Variants in JAZF1 observed in about 807,000 individuals in gnomAD.
JAZF1 encodes JAZF zinc finger 1.
In JAZF1, 8 loss-of-function variants were observed where a neutral mutation model predicts 26.4. The ratio of observed to expected loss-of-function variants is 0.30; its 90% CI spans 0.18 to 0.55. JAZF1 has a LOEUF of 0.55. JAZF1 is among the 20% of genes least tolerant of loss of function. The pLI, the probability that JAZF1 is intolerant of heterozygous loss-of-function variation, is 0.94. For synonymous variants in JAZF1, 126 were observed against 122.3 expected, an observed-to-expected ratio of 1.03 and a Z score of -0.20; for missense variants, 199 against 322.0, an observed-to-expected ratio of 0.62 and a Z score of 2.92.
At chr7:27,953,208 A>G (rs752160987) in intron 2 of JAZF1, among the ~76,000 whole-genome samples, 21 of 152,354 alleles carry the variant, frequency 1.4e-4, no homozygotes, top group Non-Finnish European at 2.1e-4. Context: ...TTCCCAGCCA[A>G]TGGGTAATTT....
At chr7:27,935,275 GAAAATAGTTGGCGGATCCTC>G (rs1030023062) in intron 2 of JAZF1, among the ~76,000 whole-genome samples, 4 of 152,198 alleles carry the variant, frequency 2.6e-5, no homozygotes, top group African/African-American at 9.6e-5. Context: ...AGCTGCTTTG[GAAAATAGTTGGCGGATCCTC>G]AAAATGCAAC....
chr7:27,874,603 C>T (rs1562514810), intron 3 of JAZF1, among the ~76,000 whole-genome samples: 1 of 152,216 alleles, frequency 6.6e-6, no homozygotes, highest in East Asian at 1.9e-4. Flanking sequence ...ACATTCCTGT[C>T]ACTTAGGAAA....
At chr7:28,138,517 G>A (rs998339732) in intron 1 of JAZF1, among the ~76,000 whole-genome samples, 13 of 152,214 alleles carry the variant, frequency 8.5e-5, no homozygotes, top group African/African-American at 1.4e-4. Context: ...AGAATGCTTC[G>A]CTGTTCACCT....
chr7:28,097,827 T>C (rs1028039130), intron 1 of JAZF1, among the ~76,000 whole-genome samples: 1 of 152,148 alleles, frequency 6.6e-6, no homozygotes, highest in Non-Finnish European at 1.5e-5. Flanking sequence ...AGGTAAATCT[T>C]GGAAATGCCA....
At position 28,158,919 on chromosome 7, in the gene JAZF1, C is replaced by G. The variant is rs1314830556; in HGVS notation, c.115+21544G>C. Among the ~76,000 whole-genome samples, 5 of 152,140 alleles carry G rather than the reference C, an allele frequency of 3.3e-5. No individual in the cohort carries two copies. In the East Asian group the frequency reaches 9.7e-4, roughly 29 times the overall value. ...CTCATGGCTTTAGGCCTTGGACCAGCCTTCCCTGACTGAAAGCCAGTCAGT... is the reference window on the plus strand; with the variant it reads ...CTCATGGCTTTAGGCCTTGGACCAGGCTTCCCTGACTGAAAGCCAGTCAGT... On this transcript the variant is annotated intron_variant, in intron 1 of 4. Transcript: ENST00000283928.
intron 2 of JAZF1, among the ~76,000 whole-genome samples, chr7:27,943,284 G>A (rs1784876415): frequency 6.6e-6 from 1 of 152,124 alleles, no homozygotes; most frequent in African/African-American, 2.4e-5. Context: ...TGTTCTGTAA[G>A]GAGCCAAATA....
intron 2 of JAZF1, among the ~76,000 whole-genome samples, chr7:27,932,859 A>C (rs1784705972): frequency 1.3e-5 from 2 of 152,196 alleles, no homozygotes; most frequent in Admixed American, 1.3e-4. Flanking sequence ...TAAGGCTTAC[A>C]TACTTTTTCA....
chr7:27,943,052 G>A (rs1414637589), intron 2 of JAZF1, among the ~76,000 whole-genome samples: 1 of 152,158 alleles, frequency 6.6e-6, no homozygotes, highest in East Asian at 1.9e-4. Flanking sequence ...TCACATCGAT[G>A]CGTTCCTGCC....
intron 1 of JAZF1, among the ~76,000 whole-genome samples, chr7:28,038,548 C>T (rs1051991727): frequency 6.6e-6 from 1 of 152,192 alleles, no homozygotes; most frequent in Non-Finnish European, 1.5e-5. Flanking sequence ...TGTTTAACAT[C>T]TGCTTTTTAT....
intron 2 of JAZF1, among the ~76,000 whole-genome samples, chr7:27,942,460 T>C (rs1008458018): frequency 6.6e-6 from 1 of 152,254 alleles, no homozygotes; most frequent in African/African-American, 2.4e-5. Context: ...GTAGCATTTA[T>C]TTAACTGAGC....
At chr7:27,855,990 C>G (rs1459870698) in intron 3 of JAZF1, among the ~76,000 whole-genome samples, 1 of 152,244 alleles carries the variant, frequency 6.6e-6, no homozygotes, top group Non-Finnish European at 1.5e-5. Flanking sequence ...CCGAATCCAG[C>G]AGCACATCAA....
intron 1 of JAZF1, among the ~76,000 whole-genome samples, chr7:28,041,034 GAC>G (rs1783381293): frequency 6.6e-6 from 1 of 152,102 alleles, no homozygotes; most frequent in South Asian, 2.1e-4. Context: ...TGCTCTCAAA[GAC>G]ACAAATTCTT....
intron 1 of JAZF1, among the ~76,000 whole-genome samples, chr7:28,072,441 T>G (rs1029498011): frequency 6.6e-6 from 1 of 152,252 alleles, no homozygotes; most frequent in East Asian, 1.9e-4. Flanking sequence ...TATTTACTTA[T>G]GGATATGGCT....
chr7:28,166,649 C>T (rs574243396), intron 1 of JAZF1, among the ~76,000 whole-genome samples: 7 of 152,178 alleles, frequency 4.6e-5, no homozygotes, highest in African/African-American at 1.7e-4. Context: ...GCCTTCTTTC[C>T]GAAAGAGAAA....
intron 1 of JAZF1, among the ~76,000 whole-genome samples, chr7:28,104,602 C>G (rs1784522780): frequency 6.6e-6 from 1 of 152,220 alleles, no homozygotes; most frequent in Non-Finnish European, 1.5e-5. Context: ...TGTCCCAGTT[C>G]TGCCAGATGT....
In JAZF1 at chr7:28,089,399, A is replaced by G. The variant is rs558861372; in HGVS notation, c.115+91064T>C. On this transcript the variant is annotated intron_variant, in intron 1 of 4. Coordinates refer to ENST00000283928, the MANE Select transcript of JAZF1 (RefSeq NM_175061.4). ...GATCTTGGACTTCCCAGCGTTTAGA[A>G]CCATGAGAAATAAATACCAGTATTC... Among the ~76,000 whole-genome samples, 3 of 152,344 alleles carry G rather than the reference A, an allele frequency of 2.0e-5. No individual in the cohort carries two copies. In the East Asian group the frequency reaches 5.8e-4, roughly 29 times the overall value.
intron 2 of JAZF1, among the ~76,000 whole-genome samples, chr7:27,928,704 G>C (rs1051156734): frequency 9.2e-5 from 14 of 152,144 alleles, no homozygotes; most frequent in Non-Finnish European, 1.9e-4. Flanking sequence ...ACCAAATACT[G>C]CGTGTTCTCA....
intron 2 of JAZF1, among the ~76,000 whole-genome samples, chr7:27,913,971 A>C (rs1784403964): frequency 6.6e-6 from 1 of 152,166 alleles, no homozygotes. Context: ...TTATTTCCAC[A>C]AGTTCTGAAA....
intron 1 of JAZF1, among the ~76,000 whole-genome samples, chr7:28,135,397 T>C (rs2127943539): frequency 6.6e-6 from 1 of 152,350 alleles, no homozygotes; most frequent in East Asian, 1.9e-4. Flanking sequence ...GGTTGCTACA[T>C]GTTACTAGTT....
Sources: gnomAD v4.1 joint callset for allele counts (sites outside exome capture counted in the v4.1 genomes callset) on GRCh38, gnomAD v4.1.1 for gene constraint, MANE v1.5 for transcripts, NCBI Gene and HGNC (gene_info 2026-07-23, HGNC 2026-07-21) for gene names.